Variants in AMZ1 observed in about 807,000 individuals in gnomAD.
AMZ1 encodes archaelysin family metallopeptidase 1, also known as archaemetzincin-1.
Under a neutral mutation model 29.9 loss-of-function variants are expected in AMZ1, and 39 were observed. That is an observed-to-expected ratio of 1.30 (90% CI 1.01 to 1.70). AMZ1 has a LOEUF of 1.70. AMZ1 is among the 40% of genes most tolerant of loss of function. The pLI is 0.00. For synonymous variants in AMZ1, 458 were observed against 304.0 expected, an observed-to-expected ratio of 1.51 and a Z score of -5.27; for missense variants, 1,041 against 680.6, an observed-to-expected ratio of 1.53 and a Z score of -5.89.
rs1475437647 is a variant in AMZ1 at position 2,726,164 on chromosome 7, A to G, written n.550+16348A>G. Among the ~76,000 whole-genome samples, 2 of 152,340 alleles carry G rather than the reference A, an allele frequency of 1.3e-5. 1 individual carries two copies. Among genetic ancestry groups the G allele is most frequent in the Middle Eastern group, 6.8e-3 (2 of 294 alleles). On this transcript the variant is annotated intron_variant and non_coding_transcript_variant, in intron 4 of 4. Transcript: ENST00000489665. Reference sequence around the variant, plus strand: ...AGAGAAATGGCACTACCAGATTTGGAAAGGCTGCATGTGCGTGAGGAAAGA... The same window carrying G: ...AGAGAAATGGCACTACCAGATTTGGGAAGGCTGCATGTGCGTGAGGAAAGA...
chr7:2,712,442 G>A lies in AMZ1; in HGVS notation c.1061G>A (p.Cys354Tyr), dbSNP rs149501516. 3 of 1,611,744 alleles carry A rather than the reference G, an allele frequency of 1.9e-6. No individual in the cohort carries two copies. Among genetic ancestry groups the A allele is most frequent in the Admixed American group, 1.7e-5 (1 of 59,968 alleles). The change falls in exon 7 of 7, where the codon TGT becomes TAT. Residue 354 changes from cysteine (C) to tyrosine (Y), a missense_variant. Coordinates refer to ENST00000683327, the MANE Select transcript of AMZ1 (RefSeq NM_001384743.1). ...GCCAGCGCCGACTCGGGCATGTGCT[G>A]TGAGAGTGACTCGGAGCCCGGCACC... is the stretch of plus-strand genomic sequence containing the variant. ...PPASADSGMC[C>Y]ESDSEPGTSV...
At position 2,731,575 on chromosome 7, in the gene AMZ1, A is replaced by G. The variant is rs1239815747; in HGVS notation, n.550+21759A>G. The G allele has an allele frequency of 6.2e-7, 1 of 1,613,010 alleles. No individual in the cohort carries two copies. Among genetic ancestry groups the G allele is most frequent in the Non-Finnish European group, 8.5e-7 (1 of 1,179,286 alleles). On this transcript the variant is annotated intron_variant and non_coding_transcript_variant, in intron 4 of 4. Transcript: ENST00000489665. This position sits in a 1 kb window ranked among gnomAD's most constrained non-coding sequence, Gnocchi z 6.0. The stretch of plus-strand genomic sequence containing the variant: ...CTGGTCGTACTCGCTGGAGGAGACC[A>G]TGAACAGGATGGACGTGATCCCGTC...
intron 4 of AMZ1, among the ~76,000 whole-genome samples, chr7:2,744,528 T>A (rs1207792805): frequency 6.6e-6 from 1 of 151,856 alleles, no homozygotes; most frequent in Admixed American, 6.6e-5. Flanking sequence ...TACGTCACCA[T>A]CATCAAAGAC....
rs11389467 is a variant in AMZ1, at chr7:2,737,289, GT to G, written n.551-27406del. Among the ~76,000 whole-genome samples, 8 of 62,274 alleles carry G rather than the reference GT, an allele frequency of 1.3e-4. No homozygotes were observed. In the Admixed American group the frequency reaches 1.3e-3, roughly 10 times the overall value. The allele number at this position is 62,274 out of a possible 152,430, so 40.9% of individuals were successfully genotyped here. A position where few individuals can be genotyped will look rare whatever the true frequency, so the allele number is the denominator to read the frequency against. On this transcript the variant is annotated intron_variant and non_coding_transcript_variant, in intron 4 of 4. Coordinates refer to the AMZ1 transcript ENST00000489665. ...GTTTTGTTTTGTTTTTTTTTTTTTTGTTTTTTTTTTTTTTTTTGAGATGGAG... is the reference window on the plus strand; with the variant it reads ...GTTTTGTTTTGTTTTTTTTTTTTTTGTTTTTTTTTTTTTTTTGAGATGGAG...
At chr7:2,708,513 G>C in intron 3 of AMZ1, 75 bp from the exon 4 acceptor site, 1 of 1,590,218 alleles carries the variant, frequency 6.3e-7, no homozygotes, top group Non-Finnish European at 8.5e-7. Flanking sequence ...GAGGATGACG[G>C]GGTGCCAGCC....
At chr7:2,736,204 G>A (rs1790166085) in intron 4 of AMZ1, among the ~76,000 whole-genome samples, 1 of 152,154 alleles carries the variant, frequency 6.6e-6, no homozygotes, top group African/African-American at 2.4e-5. Context: ...TTAACCGCTT[G>A]GTGGGTTTAT....
chr7:2,709,811 T>C lies in AMZ1; in HGVS notation c.943T>C (p.Tyr315His), dbSNP rs1788647519. The C allele has an allele frequency of 6.2e-7, 1 of 1,611,582 alleles. No homozygotes were observed. Among genetic ancestry groups the C allele is most frequent in the Admixed American group, 1.7e-5 (1 of 59,944 alleles). ...CCTGGGTTTCAGGCTCATCGAGAGG[T>C]ACCAGGTGAGTGGCTGAGTTGCGCT... is the stretch of plus-strand genomic sequence containing the variant. ...HVLGFRLIER[Y>H]QRLYTWTQAV... Residue 315 changes from tyrosine (Y) to histidine (H), a missense_variant, in exon 6 of 7, where the codon TAC (tyrosine) becomes CAC (histidine). By Grantham distance (83) the Tyr-to-His change is moderately conservative. Transcript: ENST00000683327.
chr7:2,693,898 C>G (rs1362999915), intron 1 of AMZ1, among the ~76,000 whole-genome samples: 1 of 152,186 alleles, frequency 6.6e-6, no homozygotes, highest in Non-Finnish European at 1.5e-5. Flanking sequence ...TCTAACCTAC[C>G]TTCTATGCTA....
rs139066321 is a variant in AMZ1 at position 2,708,175 on chromosome 7, C to T, written c.473-413C>T. Among the ~76,000 whole-genome samples the T allele has an allele frequency of 1.1e-3, 167 of 152,278 alleles. 2 individuals carry two copies. Among genetic ancestry groups the T allele is most frequent in the African/African-American group, 3.2e-3 (131 of 41,568 alleles). Reference sequence around the variant, plus strand: ...GGCTCAGCTGGCTGCTGCAGAAAAACGCCTCCATCCCAAGATCTTTAATCA... The same window carrying T: ...GGCTCAGCTGGCTGCTGCAGAAAAATGCCTCCATCCCAAGATCTTTAATCA... On this transcript the variant is annotated intron_variant, in intron 3 of 6. Coordinates refer to ENST00000683327, the MANE Select transcript of AMZ1 (RefSeq NM_001384743.1).
chr7:2,729,345 C>A (rs1230633606), intron 4 of AMZ1: 1 of 152,376 alleles, frequency 6.6e-6, no homozygotes, highest in Non-Finnish European at 1.5e-5. Context: ...CTCTCTTTCT[C>A]CTTTAAAACG....
intron 1 of AMZ1, among the ~76,000 whole-genome samples, chr7:2,695,730 G>T (rs989327685): frequency 1.3e-5 from 2 of 151,668 alleles, no homozygotes; most frequent in Non-Finnish European, 2.9e-5. Flanking sequence ...AGAAAAAAAG[G>T]CCGGGCGCAG....
rs1788975007 is a variant in AMZ1, at chr7:2,714,053, ATTG to A, written c.*1180_*1182del. 1 of 151,806 alleles carries A rather than the reference ATTG, an allele frequency of 6.6e-6. No homozygotes were observed. Among genetic ancestry groups the A allele is most frequent in the Non-Finnish European group, 1.5e-5 (1 of 68,010 alleles). 9.4% of individuals were successfully genotyped at this position (151,806 alleles called of 1,614,324 possible). A position where few individuals can be genotyped will look rare whatever the true frequency, so the allele number is the denominator to read the frequency against. On this transcript the variant is annotated 3_prime_UTR_variant, in exon 7 of 7. Transcript: ENST00000683327. ...GCTCCTTTACGTCCCTGCACATTTG[ATTG>A]TTGTGTCTTCCTGAGGAATTGACCC...
chr7:2,741,533 T>C (rs140568501), intron 4 of AMZ1, among the ~76,000 whole-genome samples: 90 of 152,226 alleles, frequency 5.9e-4, no homozygotes, highest in East Asian at 2.9e-3. Context: ...ATTCCAGCCT[T>C]TGTAGTAGCC....
chr7:2,733,517 AAT>A, intron 4 of AMZ1: 2 of 1,608,412 alleles, frequency 1.2e-6, no homozygotes, highest in South Asian at 2.2e-5. Context: ...AGGAAGGAAG[AAT>A]ATTCACAGCT....
chr7:2,706,842 C>A (rs996653890), intron 3 of AMZ1, among the ~76,000 whole-genome samples: 1 of 139,826 alleles, frequency 7.2e-6, no homozygotes, highest in African/African-American at 3.4e-5. Flanking sequence ...ATCATCACCT[C>A]ATTAGCATCA....
At chr7:2,764,280 A>T (rs1335590269), upstream of AMZ1, among the ~76,000 whole-genome samples, 3 of 147,156 alleles carry the variant, frequency 2.0e-5, no homozygotes, top group Non-Finnish European at 4.5e-5. Flanking sequence ...ATGGGATCTC[A>T]CTATGTTGCC....
At chr7:2,708,377 C>T (rs74952966) in intron 3 of AMZ1, among the ~76,000 whole-genome samples, 1 of 152,134 alleles carries the variant, frequency 6.6e-6, no homozygotes, top group African/African-American at 2.4e-5. Flanking sequence ...TTTGACTTAC[C>T]ATGTCCTGAT....
intron 1 of AMZ1, among the ~76,000 whole-genome samples, chr7:2,699,037 T>G (rs978380299): frequency 1.3e-5 from 2 of 152,182 alleles, no homozygotes; most frequent in Admixed American, 1.3e-4. Context: ...TCACACGTCC[T>G]TAGCTGCACC....
intron 4 of AMZ1, 23 bp from the exon 5 acceptor site, chr7:2,709,052 C>A: frequency 1.3e-6 from 2 of 1,546,756 alleles, no homozygotes; most frequent in Non-Finnish European, 1.7e-6. Context: ...CCTGAGAGTG[C>A]CCTTCTCTCC....
Sources: gnomAD v4.1 joint callset for allele counts (sites outside exome capture counted in the v4.1 genomes callset) on GRCh38, gnomAD v4.1.1 for gene constraint, Gnocchi (gnomAD v3.1) non-coding constraint, MANE v1.5 for transcripts, NCBI Gene and HGNC (gene_info 2026-07-23, HGNC 2026-07-21) for gene names.